Variants in FUBP3 observed in about 807,000 individuals in gnomAD.
FUBP3 encodes the protein far upstream element-binding protein 3.
FUBP3 carries 28 observed loss-of-function variants against 85.6 expected under a neutral mutation model. That is an observed-to-expected ratio of 0.33 (90% CI 0.24 to 0.45). FUBP3 has a LOEUF of 0.45. FUBP3 is among the 20% of genes least tolerant of loss of function. The pLI is 1.00. For synonymous variants in FUBP3, 271 were observed against 271.4 expected, an observed-to-expected ratio of 1.00 and a Z score of 0.01; for missense variants, 583 against 755.1, an observed-to-expected ratio of 0.77 and a Z score of 2.67.
intron 10 of FUBP3, 42 bp from the exon 11 acceptor site, chr9:130,623,569 G>A (rs757083479): frequency 7.1e-6 from 9 of 1,269,688 alleles, no homozygotes; most frequent in African/African-American, 4.4e-5. Flanking sequence ...TCCTTCTAAC[G>A]TTGGGCTTTT....
chr9:130,610,051 T>C (rs1831661038), intron 3 of FUBP3, 64 bp downstream of exon 3: 1 of 1,210,716 alleles, frequency 8.3e-7, no homozygotes, highest in South Asian at 1.2e-5. Context: ...ATCCACCATC[T>C]GTACTAGAGT....
At chr9:130,627,680 C>T (rs964503280) in intron 12 of FUBP3, among the ~76,000 whole-genome samples, 1 of 152,200 alleles carries the variant, frequency 6.6e-6, no homozygotes, top group Non-Finnish European at 1.5e-5. Context: ...GCAGGCTGCA[C>T]CAGATGCTGC....
intron 14 of FUBP3, 91 bp downstream of exon 14, chr9:130,631,721 C>A: frequency 1.8e-6 from 2 of 1,099,164 alleles, no homozygotes; most frequent in Non-Finnish European, 2.7e-6. Flanking sequence ...GAGTGCCAGC[C>A]AAGGCCTGAA....
At chr9:130,583,477 C>T (rs931404973) in intron 1 of FUBP3, among the ~76,000 whole-genome samples, 2 of 152,234 alleles carry the variant, frequency 1.3e-5, no homozygotes, top group African/African-American at 2.4e-5. Flanking sequence ...TTTTGACTCC[C>T]GGCTCAGTCA....
chr9:130,603,325 C>T (rs1422658730), intron 2 of FUBP3, among the ~76,000 whole-genome samples: 14 of 126,912 alleles, frequency 1.1e-4, no homozygotes, highest in African/African-American at 2.9e-4. Context: ...CCAGCCTGGG[C>T]GACAGAGCAA....
intron 9 of FUBP3, among the ~76,000 whole-genome samples, chr9:130,620,677 G>A (rs1462323736): frequency 6.6e-6 from 1 of 152,116 alleles, no homozygotes; most frequent in Non-Finnish European, 1.5e-5. Flanking sequence ...CATTTCCCTC[G>A]GTTTTGAAGC....
intron 8 of FUBP3, among the ~76,000 whole-genome samples, chr9:130,619,801 T>C (rs1420517253): frequency 6.6e-6 from 1 of 152,236 alleles, no homozygotes; most frequent in African/African-American, 2.4e-5. Flanking sequence ...CAGTAGGTTA[T>C]AGAAATAAGA....
intron 2 of FUBP3, among the ~76,000 whole-genome samples, chr9:130,603,250 G>A (rs1202802764): frequency 6.6e-6 from 1 of 151,698 alleles, no homozygotes; most frequent in Non-Finnish European, 1.5e-5. Flanking sequence ...GGGAGGCTGA[G>A]GTGGGAGAAT....
chr9:130,595,213 C>T (rs1247604382), intron 1 of FUBP3, among the ~76,000 whole-genome samples: 43 of 120,488 alleles, frequency 3.6e-4, no homozygotes, highest in African/African-American at 1.3e-3. Context: ...GCAACAAGAG[C>T]GAAACTCCGT....
chr9:130,629,219 T>C (rs993811802), intron 12 of FUBP3, among the ~76,000 whole-genome samples: 1 of 152,256 alleles, frequency 6.6e-6, no homozygotes, highest in African/African-American at 2.4e-5. Context: ...AAATCAGAGC[T>C]GTGGGTGCTG....
At chr9:130,619,399 G>T (rs949855468) in intron 8 of FUBP3, among the ~76,000 whole-genome samples, 3 of 150,940 alleles carry the variant, frequency 2.0e-5, no homozygotes, top group Admixed American at 2.0e-4. Context: ...GTATGTGTGT[G>T]CATGTGTGTG....
At chr9:130,631,448 C>G in intron 13 of FUBP3, 109 bp from the exon 14 acceptor site, 1 of 1,270,938 alleles carries the variant, frequency 7.9e-7, no homozygotes, top group Non-Finnish European at 1.1e-6. Flanking sequence ...GTCCTTACTT[C>G]ACTCGACTCC....
intron 16 of FUBP3, among the ~76,000 whole-genome samples, chr9:130,634,032 C>G (rs1830318429): frequency 6.6e-6 from 1 of 152,208 alleles, no homozygotes; most frequent in Admixed American, 6.5e-5. Flanking sequence ...TGAACCCCCT[C>G]TTGTGCCTGG....
intron 1 of FUBP3, among the ~76,000 whole-genome samples, chr9:130,591,356 T>C (rs1282895203): frequency 6.6e-6 from 1 of 152,100 alleles, no homozygotes; most frequent in Non-Finnish European, 1.5e-5. Flanking sequence ...GGCAGGAGAA[T>C]CTCTTGAATC....
chr9:130,631,365 G>A, intron 13 of FUBP3, 192 bp from the exon 14 acceptor site: 1 of 1,406,370 alleles, frequency 7.1e-7, no homozygotes, highest in Non-Finnish European at 9.3e-7. Context: ...GGTGGTATTG[G>A]TCGCTGGAGG....
intron 8 of FUBP3, among the ~76,000 whole-genome samples, chr9:130,620,122 T>C (rs577654966): frequency 1.3e-5 from 2 of 152,312 alleles, no homozygotes; most frequent in South Asian, 4.1e-4. Context: ...ACTGAGGCTT[T>C]TTATAGAAGG....
intron 12 of FUBP3, among the ~76,000 whole-genome samples, chr9:130,627,968 A>G (rs190077353): frequency 2.0e-4 from 31 of 152,284 alleles, no homozygotes; most frequent in African/African-American, 6.0e-4. Flanking sequence ...AACAGTGATG[A>G]GAACGAAGCA....
At chr9:130,589,705 A>ATATATTTTTT (rs1414691549) in intron 1 of FUBP3, among the ~76,000 whole-genome samples, 9 of 73,812 alleles carry the variant, frequency 1.2e-4, no homozygotes, top group Non-Finnish European at 1.8e-4. Context: ...ATATATATAT[A>ATATATTTTTT]TTTTTTTTTT....
intron 1 of FUBP3, among the ~76,000 whole-genome samples, chr9:130,583,898 TATA>T (rs1000311316): frequency 5.9e-5 from 9 of 152,128 alleles, no homozygotes; most frequent in Non-Finnish European, 8.8e-5. Context: ...TAATTTATCA[TATA>T]ATATAATTAT....
Sources: allele counts gnomAD v4.1 joint callset (sites outside exome capture counted in the v4.1 genomes callset), GRCh38; gene constraint gnomAD v4.1.1; transcripts MANE v1.5; gene names NCBI Gene and HGNC (gene_info 2026-07-23, HGNC 2026-07-21).